The following KLRG1 variants were observed in gnomAD, a reference collection of about 807,000 sequenced individuals.
KLRG1 encodes the protein killer cell lectin like receptor G1.
In KLRG1, 16 loss-of-function variants were observed where a neutral mutation model predicts 21.8. The ratio of observed to expected loss-of-function variants is 0.73; its 90% confidence interval spans 0.50 to 1.11. KLRG1 has a LOEUF of 1.11. Ranked by LOEUF, KLRG1 falls within the 50% of genes most tolerant of loss-of-function variation. The pLI is 0.00. For synonymous variants in KLRG1, 69 were observed against 75.9 expected (o/e 0.91, Z 0.47); for missense variants, 173 against 218.3 (o/e 0.79, Z 1.31).
the KLRG1 span, among the ~76,000 whole-genome samples, chr12:9,062,010 A>T: frequency 1.3e-5 from 2 of 151,710 alleles, no homozygotes; most frequent in Non-Finnish European, 2.9e-5. Flanking sequence ...ATAGATGGAT[A>T]ATATATCTGA....
At chr12:9,088,563 T>G in the KLRG1 span, among the ~76,000 whole-genome samples, 1 of 152,102 alleles carries the variant, frequency 6.6e-6, no homozygotes, top group African/African-American at 2.4e-5. Context: ...CATACTAAAT[T>G]TGTAGGTAGT....
At chr12:8,971,430 C>T (rs1946565275) in intron 1 of KLRG1, among the ~76,000 whole-genome samples, 1 of 151,896 alleles carries the variant, frequency 6.6e-6, no homozygotes. Context: ...AGCAATATAG[C>T]CTCTCCATTC....
At chr12:9,119,575 C>T in the KLRG1 span, among the ~76,000 whole-genome samples, 15 of 152,130 alleles carry the variant, frequency 9.9e-5, no homozygotes, top group South Asian at 4.2e-4. Flanking sequence ...CAGTACCTGA[C>T]GGAGATGCCA....
the KLRG1 span, chr12:9,104,237 AC>A: frequency 6.2e-7 from 1 of 1,607,560 alleles, no homozygotes; most frequent in East Asian, 2.2e-5. Flanking sequence ...TTCCAAACTT[AC>A]CCTAACAGTA....
intron 1 of KLRG1, among the ~76,000 whole-genome samples, chr12:8,952,408 T>C (rs1160868324): frequency 2.0e-5 from 3 of 152,214 alleles, no homozygotes; most frequent in African/African-American, 7.2e-5. Flanking sequence ...CCCAGGCTTG[T>C]CTTGAACTCC....
the KLRG1 span, among the ~76,000 whole-genome samples, chr12:9,188,126 T>G: frequency 6.6e-6 from 1 of 152,174 alleles, no homozygotes; most frequent in African/African-American, 2.4e-5. Flanking sequence ...AAATCCTCAA[T>G]AAAATACTGG....
the KLRG1 span, chr12:9,099,565 T>C: frequency 1.9e-6 from 3 of 1,572,884 alleles, no homozygotes; most frequent in Non-Finnish European, 2.6e-6. Context: ...CATAGGTTAA[T>C]GACTATTTCC....
chr12:8,989,922 C>A (rs892494191), intron 1 of KLRG1, among the ~76,000 whole-genome samples: 2 of 152,256 alleles, frequency 1.3e-5, no homozygotes, highest in African/African-American at 4.8e-5. Context: ...CAGGTAAACT[C>A]TTTTCTAACT....
the KLRG1 span, among the ~76,000 whole-genome samples, chr12:9,102,337 C>T: frequency 2.6e-5 from 4 of 152,080 alleles, no homozygotes; most frequent in African/African-American, 9.7e-5. Context: ...CAGTCAGCCT[C>T]CTGAGTTGCT....
At chr12:9,164,028 T>A in the KLRG1 span, 1 of 1,417,574 alleles carries the variant, frequency 7.1e-7, no homozygotes, top group Non-Finnish European at 9.6e-7. Flanking sequence ...ACTAACTTTA[T>A]AGAATTATAT....
chr12:9,086,383 C>T, the KLRG1 span, among the ~76,000 whole-genome samples: 1 of 152,058 alleles, frequency 6.6e-6, no homozygotes, highest in Non-Finnish European at 1.5e-5. Context: ...AACCAACCAA[C>T]CAACCACACG....
At chr12:9,107,672 C>G in the KLRG1 span, 1 of 1,611,458 alleles carries the variant, frequency 6.2e-7, no homozygotes, top group Non-Finnish European at 8.5e-7. Context: ...CCAAAGGAAT[C>G]AGAGCAGACA....
At chr12:9,064,466 G>T in the KLRG1 span, 1 of 154,628 alleles carries the variant, frequency 6.5e-6, no homozygotes, top group Non-Finnish European at 1.5e-5. The surrounding 1 kb of genome is among the most constrained non-coding windows in gnomAD (Gnocchi z 4.0). Context: ...CCATCCTCGC[G>T]TTGCCGGGTG....
At chr12:9,129,433 T>C in the KLRG1 span, among the ~76,000 whole-genome samples, 7 of 152,198 alleles carry the variant, frequency 4.6e-5, no homozygotes, top group South Asian at 2.1e-4. Context: ...TGTATACTTA[T>C]TATAAAATAT....
chr12:9,064,901 G>A, the KLRG1 span: 1 of 152,414 alleles, frequency 6.6e-6, no homozygotes, highest in Non-Finnish European at 1.5e-5. This position sits in a 1 kb window ranked among gnomAD's most constrained non-coding sequence, Gnocchi z 4.0. Context: ...GCTCTGAGTA[G>A]GGCCGCCTGG....
At chr12:8,983,003 A>G (rs887626227) in intron 1 of KLRG1, among the ~76,000 whole-genome samples, 11 of 152,116 alleles carry the variant, frequency 7.2e-5, no homozygotes, top group Admixed American at 6.5e-4. Flanking sequence ...AATTTGTGCC[A>G]TTTATTTGGT....
the KLRG1 span, chr12:9,151,583 C>T: frequency 1.4e-5 from 22 of 1,607,258 alleles, no homozygotes; most frequent in East Asian, 4.2e-4. Context: ...GTAGTCTCAG[C>T]CAGGATGTCA....
the KLRG1 span, chr12:9,112,369 C>T: frequency 2.5e-5 from 40 of 1,612,918 alleles, no homozygotes; most frequent in Non-Finnish European, 3.3e-5. Context: ...CTGTAGGCTT[C>T]TTCATACCTG....
chr12:9,150,615 T>C, the KLRG1 span: 1 of 1,448,040 alleles, frequency 6.9e-7, no homozygotes, highest in South Asian at 1.2e-5. Context: ...TGGCTCTGGT[T>C]AAGATTGTTT....
Sources: allele counts gnomAD v4.1 joint callset (sites outside exome capture counted in the v4.1 genomes callset), GRCh38; gene constraint gnomAD v4.1.1; non-coding constraint Gnocchi (gnomAD v3.1); transcripts MANE v1.5; gene names NCBI Gene and HGNC (gene_info 2026-07-23, HGNC 2026-07-21).